The following CACNB2 variants were observed in gnomAD, a reference collection of about 807,000 sequenced individuals.
CACNB2 encodes calcium voltage-gated channel auxiliary subunit beta 2.
CACNB2 carries 42 observed loss-of-function variants against 73.3 expected under a neutral mutation model. The ratio of observed to expected loss-of-function variants is 0.57; its 90% CI spans 0.45 to 0.74. The LOEUF (loss-of-function observed/expected upper bound fraction) is 0.74. Ranked by LOEUF, CACNB2 falls within the 30% of genes least tolerant of loss-of-function variation. The pLI is 0.00. For synonymous variants in CACNB2, 348 were observed against 310.3 expected, an observed-to-expected ratio of 1.12 and a Z score of -1.28; for missense variants, 940 against 853.0, an observed-to-expected ratio of 1.10 and a Z score of -1.27.
At chr10:18,255,236 TCTC>T (rs886533334) in intron 2 of CACNB2, among the ~76,000 whole-genome samples, 59 of 151,928 alleles carry the variant, frequency 3.9e-4, no homozygotes, top group African/African-American at 1.3e-3. Context: ...AACCTCATCT[TCTC>T]CTCCCTCTCT....
chr10:18,468,385 T>A (rs1403668806), intron 3 of CACNB2, among the ~76,000 whole-genome samples: 1 of 151,934 alleles, frequency 6.6e-6, no homozygotes, highest in Non-Finnish European at 1.5e-5. Flanking sequence ...CGCTTGAGCC[T>A]GGGAGGTGGA....
At chr10:18,357,189 C>A (rs113546040) in intron 2 of CACNB2, among the ~76,000 whole-genome samples, 12,230 of 147,828 alleles carry the variant, frequency 0.083, 622 homozygotes, top group Non-Finnish European at 0.12. Context: ...GTGATCCGCC[C>A]GTCTCGGCCT....
At chr10:18,526,273 CTG>C in intron 9 of CACNB2, among the ~76,000 whole-genome samples, 1 of 152,260 alleles carries the variant, frequency 6.6e-6, no homozygotes, top group South Asian at 2.1e-4. Context: ...GCTACCAAAA[CTG>C]TACAATGAGA....
chr10:18,293,004 C>G lies in CACNB2; in HGVS notation c.214-108920C>G, dbSNP rs190898324. On this transcript the variant is annotated intron_variant, in intron 2 of 13. Transcript: ENST00000324631. ...TTCCATCTTTTTGGTCAAGAGATAA[C>G]GTTTACTACCTTAATTTGAAATTCA... is the stretch of plus-strand genomic sequence containing the variant. Among the ~76,000 whole-genome samples the G allele has an allele frequency of 1.8e-3, 273 of 152,184 alleles. 1 individual carries two copies. Among genetic ancestry groups the G allele is most frequent in the Admixed American group, 4.2e-3 (64 of 15,278 alleles).
At chr10:18,149,822 C>T (rs949079796) in intron 1 of CACNB2, among the ~76,000 whole-genome samples, 6 of 152,198 alleles carry the variant, frequency 3.9e-5, no homozygotes, top group Admixed American at 6.5e-5. Flanking sequence ...GTATAGGTAT[C>T]ACTTTTTATG....
chr10:18,483,287 T>C (rs1378898302), intron 3 of CACNB2, among the ~76,000 whole-genome samples: 7 of 150,880 alleles, frequency 4.6e-5, no homozygotes, highest in Non-Finnish European at 1.0e-4. Flanking sequence ...TCCCAGCACT[T>C]TGGGAGGCCG....
At chr10:18,529,873 TA>T (rs1392901369) in intron 10 of CACNB2, among the ~76,000 whole-genome samples, 1 of 152,184 alleles carries the variant, frequency 6.6e-6, no homozygotes, top group East Asian at 1.9e-4. Flanking sequence ...TTACTGCTAA[TA>T]AAGACATACC....
At chr10:18,146,306 A>ATTTTTTTT (rs10714038) in intron 1 of CACNB2, among the ~76,000 whole-genome samples, 34 of 118,922 alleles carry the variant, frequency 2.9e-4, no homozygotes, top group Non-Finnish European at 4.1e-4. Flanking sequence ...ATGGAGACTA[A>ATTTTTTTT]TTTTTTTTTT....
chr10:18,260,310 A>G, intron 2 of CACNB2: 1 of 416,742 alleles, frequency 2.4e-6, no homozygotes, highest in Non-Finnish European at 3.2e-6. Flanking sequence ...CTTGGAAGGC[A>G]GCCTTATGTA....
chr10:18,504,401 T>C (rs940838264), intron 5 of CACNB2, among the ~76,000 whole-genome samples: 3 of 148,936 alleles, frequency 2.0e-5, no homozygotes, highest in African/African-American at 7.5e-5. Flanking sequence ...CCATCTGTTA[T>C]TATTTACTTT....
intron 2 of CACNB2, among the ~76,000 whole-genome samples, chr10:18,270,786 C>T (rs1166591685): frequency 6.6e-6 from 1 of 152,190 alleles, no homozygotes; most frequent in African/African-American, 2.4e-5. Flanking sequence ...CTCTAGTTGT[C>T]TGCCCATCTT....
At chr10:18,460,804 C>A (rs2047531925) in intron 3 of CACNB2, among the ~76,000 whole-genome samples, 1 of 151,190 alleles carries the variant, frequency 6.6e-6, no homozygotes, top group South Asian at 2.1e-4. Context: ...GTGGGAAGAC[C>A]ACTTGAGCGT....
chr10:18,210,184 A>T (rs1046804885), intron 2 of CACNB2, among the ~76,000 whole-genome samples: 12 of 152,300 alleles, frequency 7.9e-5, no homozygotes, highest in African/African-American at 2.9e-4. Context: ...CAGGTGAGTA[A>T]TGAGGCTTTT....
At chr10:18,260,889 G>A (rs2037505078) in intron 2 of CACNB2, 1 of 1,106,210 alleles carries the variant, frequency 9.0e-7, no homozygotes, top group Admixed American at 4.4e-5. Context: ...AATCTCCCGA[G>A]TTGAGAATGG....
At chr10:18,191,993 T>G (rs545468012) in intron 2 of CACNB2, among the ~76,000 whole-genome samples, 9 of 151,812 alleles carry the variant, frequency 5.9e-5, no homozygotes, top group African/African-American at 2.2e-4. Context: ...ATGTCCACAG[T>G]GGTAAAAAGG....
intron 3 of CACNB2, among the ~76,000 whole-genome samples, chr10:18,430,450 C>A (rs2045831658): frequency 6.6e-6 from 1 of 151,808 alleles, no homozygotes; most frequent in Non-Finnish European, 1.5e-5. Flanking sequence ...CATAGGGAGA[C>A]CCTGTCTCTT....
intron 8 of CACNB2, among the ~76,000 whole-genome samples, 161 bp downstream of exon 8, chr10:18,518,577 A>G (rs1254298747): frequency 6.6e-6 from 1 of 152,230 alleles, no homozygotes; most frequent in East Asian, 1.9e-4. Flanking sequence ...GCAAACTGGT[A>G]TACACTGCTT....
chr10:18,192,003 G>A (rs2034419871), intron 2 of CACNB2, among the ~76,000 whole-genome samples: 1 of 151,608 alleles, frequency 6.6e-6, no homozygotes, highest in East Asian at 1.9e-4. Context: ...TGGTAAAAAG[G>A]ACTAAAGTGT....
At position 18,536,062 on chromosome 10, in the gene CACNB2, G is replaced by A. The variant is rs576139757; in HGVS notation, c.1207-39G>A. On this transcript the variant is annotated intron_variant, in intron 11 of 13. Transcript: ENST00000324631. ...AATGTACCTTGTACTTTACCTGGAT[G>A]TAGTTATTACTCTGTTAAAAACTCA... The A allele has an allele frequency of 5.8e-6, 7 of 1,206,202 alleles. No individual in the cohort carries two copies. The East Asian group carries it at 7.1e-5, about 12-fold the overall frequency. 74.7% of individuals were successfully genotyped at this position (1,206,202 alleles called of 1,614,324 possible).
Sources: gnomAD v4.1 joint callset for allele counts (sites outside exome capture counted in the v4.1 genomes callset) on GRCh38, gnomAD v4.1.1 for gene constraint, MANE v1.5 for transcripts, NCBI Gene and HGNC (gene_info 2026-07-23, HGNC 2026-07-21) for gene names.